OR2L13: variants seen among roughly 807,000 people sequenced by gnomAD.
The protein encoded by OR2L13 is olfactory receptor 2L13.
OR2L13 carries 14 observed loss-of-function variants against 15.3 expected under a neutral mutation model. That is an observed-to-expected ratio of 0.91 (90% CI 0.60 to 1.43). The LOEUF (loss-of-function observed/expected upper bound fraction) is 1.43, where lower values mean the gene tolerates loss of function less well. OR2L13 is among the 40% of genes most tolerant of loss of function. The pLI, the probability that OR2L13 is intolerant of heterozygous loss-of-function variation, is 0.00. For synonymous variants in OR2L13, 152 were observed against 142.9 expected (o/e 1.06, Z -0.45); for missense variants, 367 against 387.9 (o/e 0.95, Z 0.45).
the OR2L13 span, among the ~76,000 whole-genome samples, chr1:247,950,798 TA>T: frequency 3.3e-5 from 5 of 151,964 alleles, no homozygotes; most frequent in African/African-American, 9.7e-5. Context: ...TTAATGGTTG[TA>T]AAAATATAGA....
chr1:247,942,658 T>A, the OR2L13 span, among the ~76,000 whole-genome samples: 93 of 152,278 alleles, frequency 6.1e-4, no homozygotes, highest in Non-Finnish European at 3.8e-4. Flanking sequence ...CCAAAATTTT[T>A]AAAAAATGTA....
At chr1:248,030,885 A>G in the OR2L13 span, among the ~76,000 whole-genome samples, 1 of 152,180 alleles carries the variant, frequency 6.6e-6, no homozygotes, top group African/African-American at 2.4e-5. Context: ...CATGTAGGAC[A>G]TCACTGGGGT....
At chr1:247,963,784 T>C in the OR2L13 span, among the ~76,000 whole-genome samples, 3 of 152,212 alleles carry the variant, frequency 2.0e-5, no homozygotes, top group South Asian at 4.1e-4. Flanking sequence ...TTCCAGTTCA[T>C]TGTGTATCAT....
the OR2L13 span, among the ~76,000 whole-genome samples, chr1:248,000,251 T>C: frequency 9.8e-3 from 1,486 of 151,972 alleles, 28 homozygotes; most frequent in African/African-American, 0.034. Context: ...GAGGAAAGTA[T>C]AGGGAGGAAA....
chr1:248,061,169 T>G, the OR2L13 span: 5 of 1,613,024 alleles, frequency 3.1e-6, no homozygotes, highest in Non-Finnish European at 4.2e-6. Flanking sequence ...GTATATGTAC[T>G]CCATATTCCT....
chr1:248,032,810 C>T, the OR2L13 span, among the ~76,000 whole-genome samples: 3 of 152,164 alleles, frequency 2.0e-5, no homozygotes, highest in Non-Finnish European at 4.4e-5. Context: ...CTGCTGTGAA[C>T]GTGGGCATAT....
chr1:247,963,309 G>A, the OR2L13 span, among the ~76,000 whole-genome samples: 2 of 152,178 alleles, frequency 1.3e-5, no homozygotes, highest in Non-Finnish European at 2.9e-5. Context: ...ACTTTGCCAT[G>A]GCATTTGTAA....
chr1:247,988,386 C>A, the OR2L13 span, among the ~76,000 whole-genome samples: 1 of 152,036 alleles, frequency 6.6e-6, no homozygotes, highest in Admixed American at 6.6e-5. Context: ...TTACCTGTCA[C>A]ATCCTTTTAC....
the OR2L13 span, chr1:248,003,995 T>G: frequency 6.2e-7 from 1 of 1,613,982 alleles, no homozygotes; most frequent in Non-Finnish European, 8.5e-7. Context: ...CCCCATCATC[T>G]ATAGCCTGAG....
the OR2L13 span, among the ~76,000 whole-genome samples, chr1:247,999,893 G>A: frequency 6.6e-6 from 1 of 152,116 alleles, no homozygotes; most frequent in Admixed American, 6.5e-5. Flanking sequence ...AGCTCTATGT[G>A]TTAGTAGGGA....
At chr1:248,045,974 A>T in the OR2L13 span, 9 of 152,194 alleles carry the variant, frequency 5.9e-5, no homozygotes, top group African/African-American at 2.2e-4. Flanking sequence ...ATACATGTTT[A>T]AAAAATTCAA....
At chr1:247,959,005 T>C in the OR2L13 span, among the ~76,000 whole-genome samples, 10 of 152,208 alleles carry the variant, frequency 6.6e-5, no homozygotes, top group Non-Finnish European at 1.5e-4. Context: ...CTGGTTATTT[T>C]GCTCGTTAGT....
At chr1:248,076,919 C>T in the OR2L13 span, among the ~76,000 whole-genome samples, 1 of 152,142 alleles carries the variant, frequency 6.6e-6, no homozygotes, top group Non-Finnish European at 1.5e-5. Context: ...TTGTCTTGTG[C>T]CAGTTTTCAA....
chr1:247,972,647 C>CA, the OR2L13 span, among the ~76,000 whole-genome samples: 5 of 7,656 alleles, frequency 6.5e-4, no homozygotes, highest in Non-Finnish European at 1.4e-3. Context: ...CAAAACAAAA[C>CA]AAAAAAAACC....
chr1:248,016,893 G>C, the OR2L13 span, among the ~76,000 whole-genome samples: 1 of 151,998 alleles, frequency 6.6e-6, no homozygotes, highest in Non-Finnish European at 1.5e-5. Context: ...ATAAAATGTC[G>C]GTGGTGATGT....
At chr1:248,070,151 C>T in the OR2L13 span, among the ~76,000 whole-genome samples, 57 of 152,270 alleles carry the variant, frequency 3.7e-4, 1 homozygote, top group Non-Finnish European at 7.6e-4. Context: ...GAACTCTCCA[C>T]CCCAAATCAA....
chr1:247,991,225 A>C, the OR2L13 span: 1 of 1,486,798 alleles, frequency 6.7e-7, no homozygotes, highest in Non-Finnish European at 9.3e-7. Flanking sequence ...TCTGCCTTAG[A>C]GTCAAAGCGC....
the OR2L13 span, among the ~76,000 whole-genome samples, chr1:248,058,967 A>AAAGG: frequency 2.0e-5 from 3 of 152,076 alleles, no homozygotes; most frequent in African/African-American, 7.2e-5. Flanking sequence ...TTTAATTTTC[A>AAAGG]AAGGTCCTTT....
chr1:248,013,499 C>A, the OR2L13 span, among the ~76,000 whole-genome samples: 2 of 152,008 alleles, frequency 1.3e-5, no homozygotes, highest in Admixed American at 1.3e-4. Context: ...CCAGTGAATA[C>A]CAGCAAAACA....
Sources: allele counts gnomAD v4.1 joint callset (sites outside exome capture counted in the v4.1 genomes callset), GRCh38; gene constraint gnomAD v4.1.1; transcripts MANE v1.5; gene names NCBI Gene and HGNC (gene_info 2026-07-23, HGNC 2026-07-21).